PARD3B: variants seen among roughly 807,000 people sequenced by gnomAD.
PARD3B encodes the protein par-3 family cell polarity regulator beta.
In PARD3B, 103 loss-of-function variants were observed where a neutral mutation model predicts 130.2. The observed-to-expected ratio is 0.79, with a 90% CI of 0.67 to 0.93. The LOEUF is 0.93. PARD3B is among the 40% of genes least tolerant of loss of function. The probability of loss-of-function intolerance (pLI) is 0.00; values close to 1 mark genes in which losing one functional copy is unlikely to be tolerated. For missense variants in PARD3B, 1,609 were observed against 1,499.2 expected, an observed-to-expected ratio of 1.07 and a Z score of -1.21; for synonymous variants, 583 against 553.2, an observed-to-expected ratio of 1.05 and a Z score of -0.76.
intron 22 of PARD3B, among the ~76,000 whole-genome samples, chr2:205,587,889 G>A (rs1279613713): frequency 2.0e-5 from 3 of 152,192 alleles, no homozygotes; most frequent in East Asian, 1.9e-4. Context: ...TCTAGAAGCA[G>A]GATGAACATG....
chr2:205,436,909 T>G (rs1375719472), intron 19 of PARD3B, among the ~76,000 whole-genome samples: 3 of 152,056 alleles, frequency 2.0e-5, no homozygotes, highest in Non-Finnish European at 4.4e-5. Flanking sequence ...CCATGAAGTT[T>G]TTTTTTTTTA....
chr2:204,656,816 G>A (rs993383611), intron 1 of PARD3B, among the ~76,000 whole-genome samples: 5 of 152,168 alleles, frequency 3.3e-5, no homozygotes, highest in Non-Finnish European at 2.9e-5. Flanking sequence ...AAACCCTCAT[G>A]TACCACCTTG....
At chr2:205,514,368 T>C (rs764418313) in intron 21 of PARD3B, among the ~76,000 whole-genome samples, 39 of 152,192 alleles carry the variant, frequency 2.6e-4, no homozygotes, top group Non-Finnish European at 4.3e-4. Context: ...AGTCTTCCTA[T>C]GAGTTATGAT....
chr2:205,086,579 A>T (rs568943118), intron 4 of PARD3B, among the ~76,000 whole-genome samples: 3 of 152,072 alleles, frequency 2.0e-5, no homozygotes, highest in South Asian at 2.1e-4. Context: ...GTTATTAGAT[A>T]TTTTTGTTAT....
At chr2:205,113,407 T>G in intron 5 of PARD3B, 84 bp from the exon 6 acceptor site, 1 of 817,580 alleles carries the variant, frequency 1.2e-6, no homozygotes, top group South Asian at 1.6e-5. Flanking sequence ...TGTGTGTGTG[T>G]GTGTGTGTGT....
At chr2:205,329,737 T>TC (rs1227617540) in intron 18 of PARD3B, among the ~76,000 whole-genome samples, 1 of 152,178 alleles carries the variant, frequency 6.6e-6, no homozygotes, top group Non-Finnish European at 1.5e-5. Context: ...ATATCTGTAA[T>TC]CCTAGCATTG....
intron 3 of PARD3B, among the ~76,000 whole-genome samples, chr2:204,968,510 T>C (rs1439952229): frequency 1.3e-5 from 2 of 152,200 alleles, no homozygotes; most frequent in Non-Finnish European, 2.9e-5. Context: ...TGCCCACCTT[T>C]ATTGCTGGCC....
intron 16 of PARD3B, among the ~76,000 whole-genome samples, chr2:205,275,837 C>CAAAAAAAAAAAAAAAAAAAAAAAAAAAA: frequency 1.6e-5 from 1 of 60,652 alleles, no homozygotes; most frequent in Non-Finnish European, 3.1e-5. Flanking sequence ...AACTTTGTCT[C>CAAAAAAAAAAAAAAAAAAAAAAAAAAAA]AAAAAAAAAA....
intron 1 of PARD3B, among the ~76,000 whole-genome samples, chr2:204,636,417 C>T (rs1019348761): frequency 5.3e-5 from 8 of 151,620 alleles, no homozygotes; most frequent in African/African-American, 1.9e-4. Flanking sequence ...ATTTGGCTCA[C>T]AGGCCTTTCT....
At chr2:204,637,235 A>G (rs2034917645) in intron 1 of PARD3B, among the ~76,000 whole-genome samples, 1 of 152,160 alleles carries the variant, frequency 6.6e-6, no homozygotes, top group Non-Finnish European at 1.5e-5. Flanking sequence ...GAAAGACAAA[A>G]TTTAATATTT....
rs1198692050 is a variant in PARD3B at position 205,568,602 on chromosome 2, A to G, written c.3260+15199A>G. 6.6e-6 allele frequency among the ~76,000 whole-genome samples: 1 copy of G among 152,176 alleles called. No homozygotes were observed. The highest frequency in any genetic ancestry group is 1.5e-5 in the Non-Finnish European group (1 of 68,028). ...CCCATTAATGAACAATGATGGTTTG[A>G]GTGTGTGCTGTGGCTTTACCTAGGA... On this transcript the variant is annotated intron_variant, in intron 22 of 22. Coordinates refer to ENST00000406610, the MANE Select transcript of PARD3B (RefSeq NM_001302769.2). This position sits in a 1 kb window ranked among gnomAD's most constrained non-coding sequence, Gnocchi z 5.3.
At position 205,061,498 on chromosome 2, in the gene PARD3B, A is replaced by G. The variant is rs569935704; in HGVS notation, c.504+13808A>G. 8.5e-5 allele frequency among the ~76,000 whole-genome samples: 13 copies of G among 152,276 alleles called. No homozygotes were observed. The South Asian group carries it at 2.1e-3, about 24-fold the overall frequency. ...ACAGGATTGTCTTGAGAAATTGATG[A>G]GTGATTATTTGTAAAAATTCTTAGA... On this transcript the variant is annotated intron_variant, in intron 4 of 22. Coordinates refer to ENST00000406610, the MANE Select transcript of PARD3B (RefSeq NM_001302769.2).
intron 2 of PARD3B, among the ~76,000 whole-genome samples, chr2:204,725,319 C>G (rs575342883): frequency 1.1e-3 from 160 of 152,172 alleles, no homozygotes; most frequent in South Asian, 3.7e-3. Context: ...CTGGAAAAAG[C>G]AAGACAAATT....
At chr2:205,054,778 A>G (rs1323081776) in intron 4 of PARD3B, among the ~76,000 whole-genome samples, 1 of 152,004 alleles carries the variant, frequency 6.6e-6, no homozygotes, top group African/African-American at 2.4e-5. Flanking sequence ...TCCTGTCCTC[A>G]AGAAACTTAC....
intron 2 of PARD3B, among the ~76,000 whole-genome samples, chr2:204,737,112 A>G (rs887436916): frequency 3.3e-5 from 5 of 152,138 alleles, no homozygotes; most frequent in Non-Finnish European, 7.4e-5. Flanking sequence ...AGCTGGAATT[A>G]CAGCACATGC....
intron 2 of PARD3B, among the ~76,000 whole-genome samples, chr2:204,918,940 T>A (rs1165141235): frequency 1.3e-5 from 2 of 152,062 alleles, no homozygotes; most frequent in African/African-American, 4.8e-5. Context: ...TACCCAGTCT[T>A]CATTTAAAAC....
chr2:205,494,554 A>G (rs1575160543), intron 20 of PARD3B, among the ~76,000 whole-genome samples: 1 of 152,200 alleles, frequency 6.6e-6, no homozygotes, highest in African/African-American at 2.4e-5. Context: ...CAGTGGCTCC[A>G]ACATCATTTT....
intron 19 of PARD3B, among the ~76,000 whole-genome samples, chr2:205,438,488 TA>T (rs1199832968): frequency 6.6e-6 from 1 of 152,206 alleles, no homozygotes; most frequent in African/African-American, 2.4e-5. Context: ...CACAGAATCC[TA>T]CCCCCTAACT....
At chr2:205,083,385 G>A (rs1701550581) in intron 4 of PARD3B, among the ~76,000 whole-genome samples, 1 of 150,246 alleles carries the variant, frequency 6.7e-6, no homozygotes, top group Non-Finnish European at 1.5e-5. Context: ...AATTCATCTA[G>A]TCTTAAACTA....
Sources: allele counts gnomAD v4.1 joint callset (sites outside exome capture counted in the v4.1 genomes callset), GRCh38; gene constraint gnomAD v4.1.1; non-coding constraint Gnocchi (gnomAD v3.1); transcripts MANE v1.5; gene names NCBI Gene and HGNC (gene_info 2026-07-23, HGNC 2026-07-21).